The following TNNI3K variants were observed in gnomAD, a reference collection of about 807,000 sequenced individuals.
TNNI3K encodes serine/threonine-protein kinase TNNI3K.
A neutral mutation model predicts 114.5 loss-of-function variants in TNNI3K; 140 were observed. The ratio of observed to expected loss-of-function variants is 1.22; its 90% CI spans 1.07 to 1.41. The LOEUF is 1.41. Among genes scored for constraint, TNNI3K ranks in the 40% most tolerant of loss-of-function variants. The pLI, the probability that TNNI3K is intolerant of heterozygous loss-of-function variation, is 0.00. For missense variants in TNNI3K, 1,125 were observed against 1,007.6 expected (o/e 1.12, Z -1.58); for synonymous variants, 347 against 347.5 (o/e 1.00, Z 0.02).
chr1:74,310,092 A>G (rs1658897202), intron 5 of TNNI3K, among the ~76,000 whole-genome samples: 1 of 152,206 alleles, frequency 6.6e-6, no homozygotes, highest in Admixed American at 6.5e-5. Flanking sequence ...CCTAGACCTG[A>G]TAAATGGCTT....
chr1:74,369,654 G>A, intron 16 of TNNI3K, 69 bp downstream of exon 16: 1 of 1,458,428 alleles, frequency 6.9e-7, no homozygotes, highest in Non-Finnish European at 9.0e-7. Flanking sequence ...ACTTCAGAGG[G>A]TTTCCCATTG....
At chr1:74,427,238 C>T (rs1285259410) in intron 17 of TNNI3K, among the ~76,000 whole-genome samples, 1 of 151,116 alleles carries the variant, frequency 6.6e-6, no homozygotes, top group Non-Finnish European at 1.5e-5. Flanking sequence ...ATATTCAAAA[C>T]TGAATATTCA....
chr1:74,483,054 C>T (rs921099910), intron 21 of TNNI3K, among the ~76,000 whole-genome samples: 2 of 152,170 alleles, frequency 1.3e-5, no homozygotes, highest in South Asian at 2.1e-4. Flanking sequence ...ACTCAGTTAC[C>T]TCTGAAGGTC....
Position 74,370,322 on chromosome 1 carries a change from G to C in TNNI3K, c.1702G>C (p.Val568Leu). 2 of 1,604,258 alleles carry C rather than the reference G, an allele frequency of 1.2e-6. No individual in the cohort carries two copies. The highest frequency in any genetic ancestry group is 1.7e-6 in the Non-Finnish European group (2 of 1,174,226). Residue 568 changes from valine (V) to leucine (L), a missense_variant, in exon 17 of 25, where the codon GTA (valine) becomes CTA (leucine). Physicochemically the swap from Val to Leu is conservative, Grantham distance 32. Coordinates refer to ENST00000326637, the MANE Select transcript of TNNI3K (RefSeq NM_015978.3). ...TTTGCAGTCTAAATTAATTATTGCA[G>C]TAGATGTTGCCAAAGGCATGGAGTA... ...LDLQSKLIIAVDVAKGMEYLH... is the reference protein window; with the variant it reads ...LDLQSKLIIALDVAKGMEYLH...
chr1:74,459,811 A>C (rs1258006227), intron 20 of TNNI3K, among the ~76,000 whole-genome samples: 1 of 152,178 alleles, frequency 6.6e-6, no homozygotes, highest in Non-Finnish European at 1.5e-5. Flanking sequence ...ATCGACAAAC[A>C]AGGGAGAAGT....
intron 17 of TNNI3K, among the ~76,000 whole-genome samples, chr1:74,396,995 G>T (rs893126028): frequency 6.6e-6 from 1 of 152,182 alleles, no homozygotes; most frequent in Non-Finnish European, 1.5e-5. Context: ...GAAGGTTTTT[G>T]TAAGGAGAGA....
chr1:74,330,584 C>T (rs1660144283), intron 5 of TNNI3K, among the ~76,000 whole-genome samples: 1 of 152,118 alleles, frequency 6.6e-6, no homozygotes, highest in Non-Finnish European at 1.5e-5. Context: ...TTACTCATCA[C>T]TGAGTAGTCC....
intron 23 of TNNI3K, among the ~76,000 whole-genome samples, chr1:74,507,233 C>CA (rs1669954850): frequency 7.1e-6 from 1 of 140,912 alleles, no homozygotes; most frequent in South Asian, 2.6e-4. Context: ...ACCCCCCCCC[C>CA]ATCTTTTTAA....
At chr1:74,464,733 C>T (rs766959184) in intron 21 of TNNI3K, 1 of 1,578,556 alleles carries the variant, frequency 6.3e-7, no homozygotes, top group Non-Finnish European at 8.6e-7. Context: ...TTGAGTATCT[C>T]AGAAGATAAC....
chr1:74,237,731 G>A (rs900421434), intron 2 of TNNI3K, among the ~76,000 whole-genome samples: 3 of 151,938 alleles, frequency 2.0e-5, no homozygotes, highest in Admixed American at 1.3e-4. Context: ...ATTAGCATTG[G>A]GGGTGAGATG....
chr1:74,505,376 C>T (rs953673272), intron 23 of TNNI3K, among the ~76,000 whole-genome samples: 1 of 152,258 alleles, frequency 6.6e-6, no homozygotes, highest in South Asian at 2.1e-4. Flanking sequence ...ATTTGTGTTG[C>T]GAAGCTGAAT....
At chr1:74,463,344 G>C in intron 20 of TNNI3K, 97 bp from the exon 21 acceptor site, 1 of 1,317,222 alleles carries the variant, frequency 7.6e-7, no homozygotes, top group Admixed American at 1.7e-5. Context: ...ATGTTGCTCA[G>C]ATTGATTTTT....
At chr1:74,454,289 A>G (rs1667141684) in intron 20 of TNNI3K, among the ~76,000 whole-genome samples, 1 of 152,146 alleles carries the variant, frequency 6.6e-6, no homozygotes, top group South Asian at 2.1e-4. Context: ...TCACTCCATT[A>G]TGCTACTGAA....
At chr1:74,528,362 G>C (rs888818992) in intron 23 of TNNI3K, among the ~76,000 whole-genome samples, 1 of 152,118 alleles carries the variant, frequency 6.6e-6, no homozygotes, top group African/African-American at 2.4e-5. Context: ...AGTGAGGAGC[G>C]GACCCACTTG....
At chr1:74,264,107 A>C (rs1180656283) in intron 4 of TNNI3K, among the ~76,000 whole-genome samples, 2 of 151,880 alleles carry the variant, frequency 1.3e-5, no homozygotes, top group Admixed American at 6.6e-5. Context: ...TGAGGGGAAA[A>C]AATAGGTCCA....
chr1:74,476,719 C>T lies in TNNI3K; in HGVS notation c.2122-12470C>T, dbSNP rs377722142. Among the ~76,000 whole-genome samples, 7 of 152,112 alleles carry T rather than the reference C, an allele frequency of 4.6e-5. No homozygotes were observed. In the East Asian group the frequency reaches 7.7e-4, roughly 17 times the overall value. On this transcript the variant is annotated intron_variant, in intron 21 of 24. Coordinates refer to ENST00000326637, the MANE Select transcript of TNNI3K (RefSeq NM_015978.3). ...AATAAAGAGATCTGTGCCCTAAACC[C>T]ACATCTGCCTGAGGACAGTGCCCTT...
intron 5 of TNNI3K, among the ~76,000 whole-genome samples, chr1:74,282,731 GTCTC>G (rs1408191898): frequency 6.6e-6 from 1 of 152,036 alleles, no homozygotes; most frequent in Non-Finnish European, 1.5e-5. Flanking sequence ...GTCTCTTTCT[GTCTC>G]TCTCTTTCTC....
At position 74,500,695 on chromosome 1, in the gene TNNI3K, G is replaced by A. The variant is rs1240830211; in HGVS notation, c.2351+8429G>A. Among the ~76,000 whole-genome samples the A allele has an allele frequency of 2.9e-5, 3 of 103,750 alleles. No homozygotes were observed. The East Asian group carries it at 9.2e-4, about 32-fold the overall frequency. 68.1% of individuals were successfully genotyped at this position (103,750 alleles called of 152,430 possible). A position where few individuals can be genotyped will look rare whatever the true frequency, so the allele number is the denominator to read the frequency against. On this transcript the variant is annotated intron_variant, in intron 23 of 24. Transcript: ENST00000326637. Reference sequence around the variant, plus strand: ...CTCACTCTGTTGGAAGTAAACAAATGAAAAACACTTATCTTCCCTCTTTTT... The same window carrying A: ...CTCACTCTGTTGGAAGTAAACAAATAAAAAACACTTATCTTCCCTCTTTTT...
At chr1:74,508,068 G>T (rs1450393661) in intron 23 of TNNI3K, among the ~76,000 whole-genome samples, 3 of 152,210 alleles carry the variant, frequency 2.0e-5, no homozygotes, top group Non-Finnish European at 4.4e-5. Flanking sequence ...CACGACTCTA[G>T]TGTATTCTAA....
Sources: gnomAD v4.1 joint callset for allele counts (sites outside exome capture counted in the v4.1 genomes callset) on GRCh38, gnomAD v4.1.1 for gene constraint, MANE v1.5 for transcripts, NCBI Gene and HGNC (gene_info 2026-07-23, HGNC 2026-07-21) for gene names.